The following RAD52 variants were observed in gnomAD, a reference collection of about 807,000 sequenced individuals.
RAD52 encodes RAD52 DNA repair protein, also known as DNA repair protein RAD52 homolog.
In RAD52, 47 loss-of-function variants were observed where a neutral mutation model predicts 55.5. The observed-to-expected ratio is 0.85, with a 90% confidence interval of 0.67 to 1.08. RAD52 has a LOEUF of 1.08. Among genes scored for constraint, RAD52 ranks in the 50% least tolerant of loss-of-function variants. The pLI, the probability that RAD52 is intolerant of heterozygous loss-of-function variation, is 0.00. For synonymous variants in RAD52, 184 were observed against 198.9 expected (o/e 0.92, Z 0.63); for missense variants, 468 against 522.8 (o/e 0.90, Z 1.02).
At chr12:964,045 T>G (rs574243179) in intron 1 of RAD52, among the ~76,000 whole-genome samples, 1 of 151,832 alleles carries the variant, frequency 6.6e-6, no homozygotes, top group Non-Finnish European at 1.5e-5. Context: ...AGGTACAACA[T>G]GAGTAGGAAA....
At chr12:932,347 T>C (rs952110027) in intron 2 of RAD52, among the ~76,000 whole-genome samples, 1 of 152,000 alleles carries the variant, frequency 6.6e-6, no homozygotes, top group Non-Finnish European at 1.5e-5. Flanking sequence ...ATATAAAAAT[T>C]AGCTGGCCAT....
rs1224462638 is a variant in RAD52, at chr12:940,065, ACT to A, written c.-18-6991_-18-6990del. 3.3e-5 allele frequency among the ~76,000 whole-genome samples: 5 copies of A among 150,620 alleles called. No individual in the cohort carries two copies. The East Asian group carries it at 5.9e-4, about 18-fold the overall frequency. On this transcript the variant is annotated intron_variant, in intron 1 of 11. Transcript: ENST00000358495. Reference sequence around the variant, plus strand: ...ACTCCAGCCTGGGTGACAGAATGAGACTCTGTCTCAAAAAAAAAAAGAAGAGA... The same window carrying A: ...ACTCCAGCCTGGGTGACAGAATGAGACTGTCTCAAAAAAAAAAAGAAGAGA...
At position 914,033 on chromosome 12, in the gene RAD52, G is replaced by C; in HGVS notation, c.1056C>G (p.Ala352=). Residue 352 remains alanine, a synonymous_variant, in exon 11 of 12, where the codon GCC becomes GCG. Coordinates refer to ENST00000358495, the MANE Select transcript of RAD52 (RefSeq NM_134424.4). ...TCAAGGCTAATGTGTCAGAGGTCTG[G>C]GCTGGGTCTGCTCTAGACGAGGGCT... is the stretch of plus-strand genomic sequence containing the variant. The part of the protein sequence containing the change: ...VVKPSSRADP[A]QTSDTLALNN... 6.2e-7 allele frequency: 1 copy of C among 1,614,156 alleles called. No homozygotes were observed. Among genetic ancestry groups the C allele is most frequent in the South Asian group, 1.1e-5 (1 of 91,082 alleles).
chr12:965,478 C>T (rs189544294), intron 1 of RAD52, among the ~76,000 whole-genome samples: 14 of 152,004 alleles, frequency 9.2e-5, no homozygotes, highest in South Asian at 2.1e-4. Context: ...TAATGTTGCC[C>T]GCCAAATCTC....
intron 1 of RAD52, among the ~76,000 whole-genome samples, chr12:955,478 C>CTTT (rs386375365): frequency 2.5e-4 from 35 of 140,568 alleles, no homozygotes; most frequent in South Asian, 1.6e-3. Context: ...CTTCTTCTTT[C>CTTT]TTTTTTTTTT....
At chr12:986,567 G>C (rs1203589801) in intron 1 of RAD52, among the ~76,000 whole-genome samples, 1 of 152,022 alleles carries the variant, frequency 6.6e-6, no homozygotes, top group Non-Finnish European at 1.5e-5. Flanking sequence ...GTCTCGCTGT[G>C]TTGTCTGGGG....
chr12:926,900 A>G, intron 6 of RAD52: 1 of 1,536,856 alleles, frequency 6.5e-7, no homozygotes. Context: ...GAGTGCACGG[A>G]GAAGAGAGAG....
chr12:956,107 G>A (rs548768233), intron 1 of RAD52, among the ~76,000 whole-genome samples: 73 of 152,294 alleles, frequency 4.8e-4, no homozygotes, highest in African/African-American at 1.6e-3. Flanking sequence ...ACAAGGGGCA[G>A]CCACATGACT....
At chr12:925,211 A>C (rs1436420032) in intron 7 of RAD52, among the ~76,000 whole-genome samples, 1 of 152,102 alleles carries the variant, frequency 6.6e-6, no homozygotes, top group Non-Finnish European at 1.5e-5. Context: ...CCACCTCCCA[A>C]AGTGCTGGGA....
At chr12:919,521 G>A (rs925549502) in intron 7 of RAD52, among the ~76,000 whole-genome samples, 2 of 151,936 alleles carry the variant, frequency 1.3e-5, no homozygotes, top group Non-Finnish European at 2.9e-5. Context: ...CAAGGCAGGT[G>A]GATTGATCAC....
intron 7 of RAD52, among the ~76,000 whole-genome samples, chr12:923,420 C>T (rs1956843662): frequency 6.6e-6 from 1 of 152,022 alleles, no homozygotes; most frequent in African/African-American, 2.4e-5. Context: ...TGCACTGGCA[C>T]ATACCTGTAG....
chr12:922,826 TTA>T lies in RAD52; in HGVS notation c.543+2622_543+2623del, dbSNP rs560820089. On this transcript the variant is annotated intron_variant, in intron 7 of 11. Transcript: ENST00000358495. ...CCACACACAAAAAAGTATTTTATTT[TTA>T]TATTTTATTATTATTATTTTGAGAC... Among the ~76,000 whole-genome samples the T allele has an allele frequency of 7.5e-3, 1,136 of 152,122 alleles. 12 individuals are homozygous for T. The highest frequency in any genetic ancestry group is 0.026 in the African/African-American group (1,079 of 41,508).
At chr12:943,322 A>G (rs7307680) in intron 1 of RAD52, among the ~76,000 whole-genome samples, 22,393 of 152,270 alleles carry the variant, frequency 0.15, 1,748 homozygotes, top group Non-Finnish European at 0.18. Flanking sequence ...GTAGAGCAGC[A>G]GAGGCCCAAT....
At chr12:972,349 A>C (rs1054140581) in intron 1 of RAD52, among the ~76,000 whole-genome samples, 11 of 152,296 alleles carry the variant, frequency 7.2e-5, no homozygotes, top group African/African-American at 2.6e-4. Context: ...CAGAAAGTGC[A>C]TGAGAAAATG....
At chr12:953,033 G>A (rs1223802383), upstream of RAD52, among the ~76,000 whole-genome samples, 3 of 122,696 alleles carry the variant, frequency 2.4e-5, no homozygotes, top group Non-Finnish European at 3.5e-5. Flanking sequence ...GGAGACGCCC[G>A]GGCCAGGTGG....
At chr12:974,013 A>G (rs2154121440) in intron 1 of RAD52, 1 of 152,138 alleles carries the variant, frequency 6.6e-6, no homozygotes, top group South Asian at 2.1e-4. Flanking sequence ...AGGATTTATT[A>G]ATAAACTGAA....
chr12:954,559 G>A (rs1202080956), upstream of RAD52, among the ~76,000 whole-genome samples: 4 of 152,246 alleles, frequency 2.6e-5, no homozygotes, highest in African/African-American at 7.2e-5. Context: ...GCTTGAACCC[G>A]GGTGGTGGAG....
intron 1 of RAD52, among the ~76,000 whole-genome samples, chr12:944,337 A>C (rs1240306582): frequency 6.6e-6 from 1 of 152,090 alleles, no homozygotes; most frequent in Non-Finnish European, 1.5e-5. Flanking sequence ...CCTAGGGAAC[A>C]TGGCTGTCTC....
intron 1 of RAD52, among the ~76,000 whole-genome samples, chr12:967,639 C>T (rs1303144293): frequency 6.6e-6 from 1 of 151,970 alleles, no homozygotes; most frequent in African/African-American, 2.4e-5. Context: ...GACAGGGTCT[C>T]TGTCACCCAG....
Sources: gnomAD v4.1 joint callset for allele counts (sites outside exome capture counted in the v4.1 genomes callset) on GRCh38, gnomAD v4.1.1 for gene constraint, MANE v1.5 for transcripts, NCBI Gene and HGNC (gene_info 2026-07-23, HGNC 2026-07-21) for gene names.